The following CDH12 variants were observed in gnomAD, a reference collection of about 807,000 sequenced individuals.
CDH12 encodes the protein cadherin-12.
A neutral mutation model predicts 74.1 loss-of-function variants in CDH12; 41 were observed. The observed-to-expected ratio is 0.55, with a 90% CI of 0.43 to 0.72. The LOEUF (loss-of-function observed/expected upper bound fraction) is 0.72. CDH12 is among the 30% of genes least tolerant of loss of function. CDH12 has a pLI of 0.00. For missense variants in CDH12, 945 were observed against 977.2 expected (o/e 0.97, Z 0.44); for synonymous variants, 399 against 355.0 (o/e 1.12, Z -1.39).
chr5:22,204,301 C>T (rs1342466439), intron 4 of CDH12, among the ~76,000 whole-genome samples: 2 of 152,090 alleles, frequency 1.3e-5, no homozygotes, highest in East Asian at 3.9e-4. Context: ...GCTGGGACTA[C>T]AGGCACCCGT....
At chr5:22,342,277 G>C (rs149642463) in intron 3 of CDH12, among the ~76,000 whole-genome samples, 66 of 152,274 alleles carry the variant, frequency 4.3e-4, no homozygotes, top group African/African-American at 1.6e-3. Context: ...TTAGCAGAGA[G>C]AAATGAGGAA....
intron 1 of CDH12, among the ~76,000 whole-genome samples, chr5:22,702,322 G>A (rs7717686): frequency 0.043 from 6,574 of 152,082 alleles, 314 homozygotes; most frequent in East Asian, 0.14. Context: ...TTCATATTTC[G>A]TCACCCATAT....
At chr5:21,878,848 A>G (rs369842835) in intron 6 of CDH12, among the ~76,000 whole-genome samples, 11 of 149,942 alleles carry the variant, frequency 7.3e-5, no homozygotes, top group African/African-American at 2.7e-4. Context: ...AAAGAGAGGG[A>G]GAGAGAGAGA....
chr5:21,835,163 CA>C (rs1749459913), intron 8 of CDH12, among the ~76,000 whole-genome samples: 1 of 151,786 alleles, frequency 6.6e-6, no homozygotes, highest in African/African-American at 2.4e-5. Flanking sequence ...ACAACAATAA[CA>C]AAGTCAGCAG....
intron 2 of CDH12, among the ~76,000 whole-genome samples, chr5:22,423,097 T>TTG (rs1383439115): frequency 1.3e-5 from 2 of 152,026 alleles, no homozygotes; most frequent in African/African-American, 4.8e-5. Context: ...TTCTTCCCTT[T>TTG]TGTGTGTGTG....
In CDH12 at chr5:22,590,142, T is replaced by C. The variant is rs536385802; in HGVS notation, c.-522-84778A>G. On this transcript the variant is annotated intron_variant, in intron 1 of 14. Transcript: ENST00000382254. ...AATATGAGACCCCTTTTGGATAATG[T>C]ACCTAAATGATAATTTGACTTAACA... is the stretch of plus-strand genomic sequence containing the variant. Among the ~76,000 whole-genome samples, 5 of 152,312 alleles carry C rather than the reference T, an allele frequency of 3.3e-5. No homozygotes were observed. In the South Asian group the frequency reaches 6.2e-4, roughly 19 times the overall value.
intron 5 of CDH12, among the ~76,000 whole-genome samples, chr5:22,038,460 C>A (rs548324376): frequency 9.9e-5 from 15 of 152,252 alleles, no homozygotes; most frequent in African/African-American, 3.6e-4. Flanking sequence ...CACATCAGGG[C>A]CCAGGCTAAA....
chr5:22,775,252 T>C (rs1002797966), intron 1 of CDH12, among the ~76,000 whole-genome samples: 3 of 151,996 alleles, frequency 2.0e-5, no homozygotes, highest in East Asian at 1.9e-4. Context: ...ACATTTATCA[T>C]TGTTACACAG....
intron 3 of CDH12, among the ~76,000 whole-genome samples, chr5:22,247,629 C>G (rs561729232): frequency 6.6e-6 from 1 of 151,492 alleles, no homozygotes; most frequent in East Asian, 2.0e-4. Flanking sequence ...GAGCTGAGAT[C>G]ACATCACTGC....
chr5:22,813,502 A>C (rs1394068215), intron 1 of CDH12, among the ~76,000 whole-genome samples: 1 of 152,072 alleles, frequency 6.6e-6, no homozygotes, highest in Non-Finnish European at 1.5e-5. Context: ...TGGTTTCCAC[A>C]CCTTTGGTGA....
At chr5:22,772,493 G>C (rs912224430) in intron 1 of CDH12, among the ~76,000 whole-genome samples, 1 of 151,948 alleles carries the variant, frequency 6.6e-6, no homozygotes, top group Non-Finnish European at 1.5e-5. Context: ...AAAAGCTGTG[G>C]ACTCACTCAT....
intron 1 of CDH12, among the ~76,000 whole-genome samples, chr5:22,626,769 A>T (rs980491801): frequency 6.6e-6 from 1 of 152,206 alleles, no homozygotes; most frequent in Non-Finnish European, 1.5e-5. Flanking sequence ...AATGACAGAC[A>T]TAGAATTCAG....
intron 2 of CDH12, among the ~76,000 whole-genome samples, chr5:22,490,775 ATAG>A (rs1323003013): frequency 2.0e-5 from 3 of 152,132 alleles, no homozygotes; most frequent in African/African-American, 7.2e-5. Flanking sequence ...TCTCCTTTTT[ATAG>A]TGAAAATGTA....
chr5:21,939,680 T>C (rs956397382), intron 6 of CDH12, among the ~76,000 whole-genome samples: 33 of 152,256 alleles, frequency 2.2e-4, no homozygotes, highest in African/African-American at 7.9e-4. Context: ...ATTATATGGA[T>C]AGTCATATTT....
intron 8 of CDH12, among the ~76,000 whole-genome samples, chr5:21,841,512 A>C (rs1405306754): frequency 6.7e-6 from 1 of 148,976 alleles, no homozygotes; most frequent in African/African-American, 2.5e-5. Flanking sequence ...TACTGGGTAT[A>C]TACCCAAAGG....
At chr5:22,519,020 T>C (rs561669756) in intron 1 of CDH12, among the ~76,000 whole-genome samples, 90 of 152,232 alleles carry the variant, frequency 5.9e-4, no homozygotes, top group Non-Finnish European at 1.1e-3. Flanking sequence ...TACACCAAAG[T>C]GGCATTGCCA....
intron 1 of CDH12, among the ~76,000 whole-genome samples, chr5:22,753,246 T>C (rs960866626): frequency 2.0e-5 from 3 of 151,658 alleles, no homozygotes; most frequent in African/African-American, 7.3e-5. Context: ...AGGTAGAAGA[T>C]GAGGTGGTGA....
chr5:22,749,130 A>G (rs1333902603), intron 1 of CDH12, among the ~76,000 whole-genome samples: 1 of 152,216 alleles, frequency 6.6e-6, no homozygotes, highest in Non-Finnish European at 1.5e-5. Flanking sequence ...GGAGCTGACA[A>G]CTGACTGATG....
In CDH12 at chr5:21,751,749, A is replaced by C. The variant is rs772689581; in HGVS notation, c.2373T>G (p.Asp791Glu). The C allele has an allele frequency of 6.2e-7, 1 of 1,612,008 alleles. No individual in the cohort carries two copies. The highest frequency in any genetic ancestry group is 1.1e-5 in the South Asian group (1 of 90,888). Residue 791 changes from aspartate to glutamate, a missense_variant, in exon 15 of 15, where the codon GAT becomes GAG. Physicochemically the swap from Asp to Glu is conservative, Grantham distance 45. Transcript: ENST00000382254. Reference protein sequence around the residue: ...MFGEEESYNPDKVT With the variant: ...MFGEEESYNPEKVT The stretch of plus-strand genomic sequence containing the variant: ...CTCCACGACTCCCTTAAGTGACTTT[A>C]TCAGGGTTATAACTCTCTTCTTCGC...
Sources: gnomAD v4.1 joint callset for allele counts (sites outside exome capture counted in the v4.1 genomes callset) on GRCh38, gnomAD v4.1.1 for gene constraint, MANE v1.5 for transcripts, NCBI Gene and HGNC (gene_info 2026-07-23, HGNC 2026-07-21) for gene names.